The following CTPS2 variants were observed in gnomAD, a reference collection of about 807,000 sequenced individuals.
CTPS2 encodes CTP synthase II.
In CTPS2, 19 loss-of-function variants were observed where a neutral mutation model predicts 46.8. That is an observed-to-expected ratio of 0.41 (90% CI 0.28 to 0.60). The LOEUF (loss-of-function observed/expected upper bound fraction) is 0.60. CTPS2 is among the 20% of genes least tolerant of loss of function. CTPS2 has a pLI of 0.35. For missense variants in CTPS2, 286 were observed against 447.6 expected, an observed-to-expected ratio of 0.64 and a Z score of 3.26; for synonymous variants, 151 against 165.2, an observed-to-expected ratio of 0.91 and a Z score of 0.66.
intron 1 of CTPS2, among the ~76,000 whole-genome samples, chrX:16,710,596 G>T (rs1360609112): frequency 4.5e-5 from 5 of 111,582 alleles, no homozygotes; most frequent in Non-Finnish European, 9.4e-5. Context: ...ATACCAAGGG[G>T]ACACCTAATT....
chrX:16,671,505 CTTTTTTTTTTTTTTTTTTTT>C (rs11323776), intron 10 of CTPS2, among the ~76,000 whole-genome samples: 1 of 48,062 alleles, frequency 2.1e-5, no homozygotes, highest in East Asian at 7.0e-4. Flanking sequence ...TAACATTTTT[CTTTTTTTTTTTTTTTTTTTT>C]TTTTTTGAGA....
At chrX:16,640,489 G>GTC (rs750367305) in intron 13 of CTPS2, among the ~76,000 whole-genome samples, 38 of 111,774 alleles carry the variant, frequency 3.4e-4, no homozygotes, top group Non-Finnish European at 6.6e-4. Flanking sequence ...CTCAGTTTGT[G>GTC]TCTGGCGAGT....
intron 13 of CTPS2, among the ~76,000 whole-genome samples, chrX:16,650,511 CTT>C (rs1167079038): frequency 4.0e-4 from 31 of 77,157 alleles, no homozygotes; most frequent in African/African-American, 1.4e-3. Context: ...TCTAAGATGT[CTT>C]TTTTTTTTTT....
At chrX:16,696,342 T>C (rs1295270428) in intron 4 of CTPS2, among the ~76,000 whole-genome samples, 1 of 111,637 alleles carries the variant, frequency 9.0e-6, no homozygotes, top group Non-Finnish European at 1.9e-5. Context: ...AATATAAACA[T>C]CAGGGTTATA....
chrX:16,677,354 A>T (rs1922366622), intron 10 of CTPS2, among the ~76,000 whole-genome samples: 1 of 111,668 alleles, frequency 9.0e-6, no homozygotes, highest in African/African-American at 3.3e-5. Flanking sequence ...TGGAACTCAG[A>T]GTTATGAATG....
At chrX:16,632,262 C>T (rs1483890290) in intron 14 of CTPS2, among the ~76,000 whole-genome samples, 2 of 111,109 alleles carry the variant, frequency 1.8e-5, no homozygotes, top group African/African-American at 6.5e-5. Context: ...CAAAGAGAAA[C>T]CCCGTCTCTA....
chrX:16,606,865 G>A (rs763359136), intron 17 of CTPS2, among the ~76,000 whole-genome samples: 8 of 111,286 alleles, frequency 7.2e-5, no homozygotes, highest in Non-Finnish European at 1.3e-4. Flanking sequence ...GGGTTCAAAC[G>A]CTCCTCCTGC....
chrX:16,593,386 G>A (rs1201325285), intron 17 of CTPS2, among the ~76,000 whole-genome samples: 12 of 94,588 alleles, frequency 1.3e-4, no homozygotes, highest in Admixed American at 1.0e-3. Flanking sequence ...CCAAGATCGC[G>A]CCACTGCACT....
chrX:16,697,429 C>T (rs1381543868), intron 4 of CTPS2, among the ~76,000 whole-genome samples: 3 of 79,014 alleles, frequency 3.8e-5, no homozygotes, highest in African/African-American at 9.9e-5. Context: ...AGTTCAAATA[C>T]GACTTTTTTT....
At position 16,636,927 on chromosome X, in the gene CTPS2, A is replaced by T. The variant is rs760891437; in HGVS notation, c.1393+2220T>A. ...GCCAGACTCCGTCTCAAAAAAAAAT[A>T]AAAAATAAAAAATAAAATCAGTGAA... On this transcript the variant is annotated intron_variant, in intron 14 of 18. Coordinates refer to ENST00000359276, the MANE Select transcript of CTPS2 (RefSeq NM_175859.3). 3.5e-3 allele frequency among the ~76,000 whole-genome samples: 383 copies of T among 110,738 alleles called. 2 individuals are homozygous for T. The highest frequency in any genetic ancestry group is 0.012 in the African/African-American group (346 of 30,061).
chrX:16,678,289 G>T lies in CTPS2; in HGVS notation c.1094+73C>A, dbSNP rs979929967. ...CAAAATGCATGAAAATTAGCAATTA[G>T]GGTAAACTGAATCATTACAGAAAAA... is the stretch of plus-strand genomic sequence containing the variant. On this transcript the variant is annotated intron_variant, in intron 10 of 18. Transcript: ENST00000359276. The T allele has an allele frequency of 7.3e-6, 5 of 683,059 alleles. No homozygotes were observed. The Admixed American group carries it at 1.3e-4, about 18-fold the overall frequency. 56.3% of individuals were successfully genotyped at this position (683,059 alleles called of 1,213,427 possible).
chrX:16,653,107 T>C lies in CTPS2; in HGVS notation c.1297-13864A>G, dbSNP rs149163261. Among the ~76,000 whole-genome samples the C allele has an allele frequency of 4.8e-3, 527 of 110,718 alleles. 3 individuals carry two copies. Among genetic ancestry groups the C allele is most frequent in the African/African-American group, 0.017 (511 of 30,625 alleles). ...TGTGTTTTTTACCACAATTTATATA[T>C]ACATATATATATATAATATAGTCTA... On this transcript the variant is annotated intron_variant, in intron 13 of 18. Coordinates refer to ENST00000359276, the MANE Select transcript of CTPS2 (RefSeq NM_175859.3).
intron 7 of CTPS2, 129 bp downstream of exon 7, chrX:16,691,411 T>C (rs1363388940): frequency 3.8e-6 from 2 of 523,039 alleles, no homozygotes; most frequent in Non-Finnish European, 6.7e-6. Context: ...TAGGGAATCA[T>C]GGTTGGATCA....
At chrX:16,603,731 T>C (rs1221976066) in intron 17 of CTPS2, among the ~76,000 whole-genome samples, 2 of 110,631 alleles carry the variant, frequency 1.8e-5, no homozygotes, top group Non-Finnish European at 3.8e-5. Flanking sequence ...TTTCTCTCTC[T>C]CTCTTTTCTA....
At chrX:16,636,343 C>T (rs896384659) in intron 14 of CTPS2, among the ~76,000 whole-genome samples, 106 of 111,322 alleles carry the variant, frequency 9.5e-4, no homozygotes, top group Middle Eastern at 9.2e-3. Context: ...TGCGGTGAGC[C>T]GAGATCATGC....
intron 1 of CTPS2, among the ~76,000 whole-genome samples, chrX:16,705,783 C>A (rs1037515398): frequency 1.7e-4 from 19 of 110,472 alleles, no homozygotes; most frequent in Non-Finnish European, 2.7e-4. Flanking sequence ...TGGGATGGCC[C>A]CTTTGCAGGC....
At chrX:16,674,254 C>T (rs768616756) in intron 10 of CTPS2, among the ~76,000 whole-genome samples, 1 of 110,891 alleles carries the variant, frequency 9.0e-6, no homozygotes, top group Non-Finnish European at 1.9e-5. Context: ...ACCTTCACCT[C>T]GTGGGTTCAA....
intron 1 of CTPS2, among the ~76,000 whole-genome samples, chrX:16,709,110 AAAAAAAAAAGTT>A (rs1317966433): frequency 9.2e-6 from 1 of 108,549 alleles, no homozygotes. Flanking sequence ...ACTTCGTCTC[AAAAAAAAAAGTT>A]AAAAAAAAAG....
chrX:16,662,357 G>A (rs1250503689), intron 13 of CTPS2, among the ~76,000 whole-genome samples: 4 of 111,511 alleles, frequency 3.6e-5, no homozygotes, highest in Non-Finnish European at 5.6e-5. Flanking sequence ...ACTCTGAGAC[G>A]CAGAAAGAGT....
Sources: gnomAD v4.1 joint callset for allele counts (sites outside exome capture counted in the v4.1 genomes callset) on GRCh38, gnomAD v4.1.1 for gene constraint, MANE v1.5 for transcripts, NCBI Gene and HGNC (gene_info 2026-07-23, HGNC 2026-07-21) for gene names.